Variants in SHANK2 observed in about 807,000 individuals in gnomAD.
SHANK2 encodes the protein SH3 and multiple ankyrin repeat domains 2, also known as SH3 and multiple ankyrin repeat domains protein 2.
A neutral mutation model predicts 133.7 loss-of-function variants in SHANK2; 43 were observed. That is an observed-to-expected ratio of 0.32 (90% CI 0.25 to 0.41). The LOEUF is 0.41. SHANK2 is among the 10% of genes least tolerant of loss of function. The probability of loss-of-function intolerance (pLI) is 1.00; values close to 1 mark genes in which losing one functional copy is unlikely to be tolerated. For missense variants in SHANK2, 1,994 were observed against 2,235.8 expected, an observed-to-expected ratio of 0.89 and a Z score of 2.18; for synonymous variants, 1,017 against 952.8, an observed-to-expected ratio of 1.07 and a Z score of -1.24.
chr11:70,910,058 T>G (rs1950167147), intron 10 of SHANK2, among the ~76,000 whole-genome samples: 1 of 152,190 alleles, frequency 6.6e-6, no homozygotes, highest in African/African-American at 2.4e-5. Context: ...TCCCTCTCTG[T>G]GTGTCTGTGT....
chr11:70,601,068 T>TCTATATCTATATCTATATCTATA (rs781966152), intron 17 of SHANK2, among the ~76,000 whole-genome samples: 3 of 147,364 alleles, frequency 2.0e-5, no homozygotes, highest in African/African-American at 2.5e-5. Flanking sequence ...TATATCTATA[T>TCTATATCTATATCTATATCTATA]TTGAGATGGA....
intron 1 of SHANK2, among the ~76,000 whole-genome samples, chr11:71,245,561 G>C (rs540474748): frequency 1.3e-5 from 2 of 152,310 alleles, no homozygotes; most frequent in South Asian, 4.1e-4. Flanking sequence ...ATAAACTGGT[G>C]TGCCACCCAG....
chr11:71,197,318 G>C (rs1315805516), intron 2 of SHANK2, among the ~76,000 whole-genome samples: 1 of 152,228 alleles, frequency 6.6e-6, no homozygotes, highest in Non-Finnish European at 1.5e-5. Flanking sequence ...CAGGTTCCAA[G>C]ATGCTACCAC....
intron 17 of SHANK2, among the ~76,000 whole-genome samples, chr11:70,553,797 T>C (rs1188234674): frequency 1.3e-5 from 2 of 152,212 alleles, no homozygotes; most frequent in South Asian, 2.1e-4. Context: ...GAAGTCAGGA[T>C]GTGTGATACA....
At chr11:70,875,524 A>AAACAACAACAAC (rs71049946) in intron 11 of SHANK2, among the ~76,000 whole-genome samples, 1,475 of 146,542 alleles carry the variant, frequency 0.01, 17 homozygotes, top group South Asian at 0.014. Flanking sequence ...ACTCCGTCTC[A>AAACAACAACAAC]AACAACAACA....
At chr11:71,076,119 A>G (rs1951214938) in intron 8 of SHANK2, among the ~76,000 whole-genome samples, 1 of 151,950 alleles carries the variant, frequency 6.6e-6, no homozygotes, top group Non-Finnish European at 1.5e-5. Context: ...ACCCAAGCTC[A>G]CAGGGGCCAG....
At chr11:70,600,090 T>G (rs1033899376) in intron 17 of SHANK2, among the ~76,000 whole-genome samples, 12 of 152,236 alleles carry the variant, frequency 7.9e-5, no homozygotes, top group African/African-American at 2.6e-4. Context: ...TTGTTGTTGC[T>G]GTTTTGTTTT....
chr11:70,613,558 T>C (rs1353711488), intron 17 of SHANK2, among the ~76,000 whole-genome samples: 1 of 152,042 alleles, frequency 6.6e-6, no homozygotes, highest in Non-Finnish European at 1.5e-5. Context: ...CTGGAAGACC[T>C]GGCCATGTGC....
At chr11:71,196,520 A>C (rs1358174814) in intron 2 of SHANK2, among the ~76,000 whole-genome samples, 1 of 151,908 alleles carries the variant, frequency 6.6e-6, no homozygotes, top group African/African-American at 2.4e-5. Flanking sequence ...TCTGGGCCTC[A>C]TGATCCACCC....
At chr11:70,801,727 C>T (rs1167491669) in intron 13 of SHANK2, among the ~76,000 whole-genome samples, 5 of 152,018 alleles carry the variant, frequency 3.3e-5, no homozygotes, top group Admixed American at 1.3e-4. Context: ...TGAGGGATCC[C>T]GGGGACTCCT....
intron 11 of SHANK2, among the ~76,000 whole-genome samples, chr11:70,843,185 G>A (rs1299251095): frequency 6.6e-6 from 1 of 150,874 alleles, no homozygotes; most frequent in African/African-American, 2.4e-5. Context: ...GGTGGTGACT[G>A]TGACTGGGAG....
chr11:70,817,902 T>C (rs1269259832), intron 12 of SHANK2, among the ~76,000 whole-genome samples: 2 of 152,178 alleles, frequency 1.3e-5, no homozygotes, highest in Non-Finnish European at 2.9e-5. Context: ...ATTCAACTAA[T>C]TTTTGTATTT....
intron 17 of SHANK2, among the ~76,000 whole-genome samples, chr11:70,613,990 C>A (rs1305214822): frequency 6.6e-6 from 1 of 152,074 alleles, no homozygotes; most frequent in African/African-American, 2.4e-5. Flanking sequence ...GTCTCCAACT[C>A]CTGACCTCAA....
At chr11:70,636,967 A>C (rs529310) in intron 17 of SHANK2, among the ~76,000 whole-genome samples, 66,435 of 150,884 alleles carry the variant, frequency 0.44, 15,018 homozygotes, top group Middle Eastern at 0.52. Flanking sequence ...GGGGCTTCAA[A>C]CAACAGGAAT....
chr11:70,695,033 A>T (rs575294025), intron 15 of SHANK2, among the ~76,000 whole-genome samples: 7 of 152,206 alleles, frequency 4.6e-5, no homozygotes, highest in Non-Finnish European at 1.0e-4. Flanking sequence ...CAGCTCAGAC[A>T]GTCAGGGATG....
At chr11:70,515,649 A>AAG (rs1399605632) in intron 17 of SHANK2, among the ~76,000 whole-genome samples, 1 of 150,724 alleles carries the variant, frequency 6.6e-6, no homozygotes, top group African/African-American at 2.4e-5. Flanking sequence ...AAAAAAAAAA[A>AAG]AAAAAAAAAA....
intron 15 of SHANK2, among the ~76,000 whole-genome samples, chr11:70,681,511 C>T (rs1300727848): frequency 6.6e-6 from 1 of 152,190 alleles, no homozygotes; most frequent in African/African-American, 2.4e-5. Context: ...CACATCCACC[C>T]CACCATGCCC....
At chr11:71,243,175 CTG>C (rs1312508628) in intron 1 of SHANK2, among the ~76,000 whole-genome samples, 1 of 152,080 alleles carries the variant, frequency 6.6e-6, no homozygotes, top group Non-Finnish European at 1.5e-5. Flanking sequence ...GAACGGGAAA[CTG>C]AAACTGAGCT....
chr11:70,813,433 T>G (rs1590712220), intron 12 of SHANK2, among the ~76,000 whole-genome samples: 1 of 151,838 alleles, frequency 6.6e-6, no homozygotes, highest in Admixed American at 6.6e-5. Flanking sequence ...AAGGTGGAGG[T>G]GGGGAGCCCC....
Sources: allele counts gnomAD v4.1 joint callset (sites outside exome capture counted in the v4.1 genomes callset), GRCh38; gene constraint gnomAD v4.1.1; transcripts MANE v1.5; gene names NCBI Gene and HGNC (gene_info 2026-07-23, HGNC 2026-07-21).